The following MICU1 variants were observed in gnomAD, a reference collection of about 807,000 sequenced individuals.
MICU1 encodes the protein calcium uptake protein 1, mitochondrial.
In MICU1, 45 loss-of-function variants were observed where a neutral mutation model predicts 56.8. That is an observed-to-expected ratio of 0.79 (90% CI 0.62 to 1.02). The LOEUF (loss-of-function observed/expected upper bound fraction) is 1.02, where lower values mean the gene tolerates loss of function less well. Among genes scored for constraint, MICU1 ranks in the 50% least tolerant of loss-of-function variants. The probability of loss-of-function intolerance (pLI) is 0.00; values close to 1 mark genes in which losing one functional copy is unlikely to be tolerated. For missense variants in MICU1, 504 were observed against 587.1 expected (o/e 0.86, Z 1.46); for synonymous variants, 186 against 195.1 (o/e 0.95, Z 0.39).
intron 8 of MICU1, among the ~76,000 whole-genome samples, chr10:72,471,727 T>C (rs1054868956): frequency 1.3e-5 from 2 of 152,216 alleles, no homozygotes; most frequent in Non-Finnish European, 1.5e-5. Context: ...CATTCCCAGA[T>C]TATGTTACAA....
rs138844850 is a variant in MICU1, at chr10:72,498,527, A to G, written c.652+9628T>C. Among the ~76,000 whole-genome samples, 870 of 152,304 alleles carry G rather than the reference A, an allele frequency of 5.7e-3. 6 individuals are homozygous for G. Among genetic ancestry groups the G allele is most frequent in the Non-Finnish European group, 9.3e-3 (631 of 68,016 alleles). On this transcript the variant is annotated intron_variant, in intron 6 of 11. Transcript: ENST00000361114. ...CTTGAACCCAGGAGGCGGAGGTTGC[A>G]GTGACTTGAGATAGCGCCATTGCAC...
At chr10:72,609,489 C>G (rs563514593) in intron 1 of MICU1, among the ~76,000 whole-genome samples, 3 of 152,226 alleles carry the variant, frequency 2.0e-5, no homozygotes, top group Admixed American at 2.0e-4. Flanking sequence ...AATCTCAACA[C>G]TTTGGGAGGC....
chr10:72,495,111 A>C (rs1866793891), intron 6 of MICU1, among the ~76,000 whole-genome samples: 1 of 152,150 alleles, frequency 6.6e-6, no homozygotes. Context: ...TGGGTGACAG[A>C]TTCTAGAAGG....
At chr10:72,590,155 T>C (rs7894619) in intron 1 of MICU1, among the ~76,000 whole-genome samples, 95,612 of 151,964 alleles carry the variant, frequency 0.63, 31,615 homozygotes, top group African/African-American at 0.72. Context: ...GTACTGTCTA[T>C]AACAGACTCA....
intron 10 of MICU1, among the ~76,000 whole-genome samples, chr10:72,387,678 A>G (rs1862936146): frequency 6.6e-6 from 1 of 152,020 alleles, no homozygotes; most frequent in Non-Finnish European, 1.5e-5. Flanking sequence ...AGTATAAACA[A>G]CTTAGAACTT....
intron 1 of MICU1, among the ~76,000 whole-genome samples, chr10:72,569,233 A>ATTTTTTTTTT (rs1231227018): frequency 0.017 from 691 of 40,214 alleles, 20 homozygotes; most frequent in Non-Finnish European, 0.028. Context: ...ATATATATAT[A>ATTTTTTTTTT]TATATTTTTT....
chr10:72,449,918 A>G (rs3957143), intron 8 of MICU1, among the ~76,000 whole-genome samples: 98,471 of 151,936 alleles, frequency 0.65, 33,085 homozygotes, highest in African/African-American at 0.77. Context: ...TAGACCATAG[A>G]TGCCACAGAG....
At position 72,368,022 on chromosome 10, in the gene MICU1, A is replaced by C; in HGVS notation, c.*173T>G. On this transcript the variant is annotated 3_prime_UTR_variant, in exon 12 of 12. Coordinates refer to ENST00000361114, the MANE Select transcript of MICU1 (RefSeq NM_001195518.2). ...TACTCATTGGGCAGAATCAGAGCCCAGCAGAACACGGGGACGGGGAAGGGT... is the reference window on the plus strand; with the variant it reads ...TACTCATTGGGCAGAATCAGAGCCCCGCAGAACACGGGGACGGGGAAGGGT... 1 of 632,590 alleles carries C rather than the reference A, an allele frequency of 1.6e-6. No homozygotes were observed. Among genetic ancestry groups the C allele is most frequent in the Non-Finnish European group, 2.7e-6 (1 of 373,956 alleles). 39.2% of individuals were successfully genotyped at this position (632,590 alleles called of 1,614,324 possible).
At chr10:72,580,782 T>C (rs1191230829) in intron 1 of MICU1, among the ~76,000 whole-genome samples, 1 of 152,172 alleles carries the variant, frequency 6.6e-6, no homozygotes, top group Non-Finnish European at 1.5e-5. Context: ...CGGCCAAGCT[T>C]TTGCTTTCTA....
intron 4 of MICU1, among the ~76,000 whole-genome samples, chr10:72,547,672 A>T (rs1346045981): frequency 6.6e-6 from 1 of 152,180 alleles, no homozygotes; most frequent in East Asian, 1.9e-4. Context: ...TGTATTTTAT[A>T]TATGGGTGAA....
At position 72,368,459 on chromosome 10, in the gene MICU1, T is replaced by G; in HGVS notation, c.1271-104A>C. 2.4e-6 allele frequency: 3 copies of G among 1,246,264 alleles called. No homozygotes were observed. The South Asian group carries it at 4.1e-5, about 17-fold the overall frequency. 77.2% of individuals were successfully genotyped at this position (1,246,264 alleles called of 1,614,324 possible). A position where few individuals can be genotyped will look rare whatever the true frequency, so the allele number is the denominator to read the frequency against. Reference sequence around the variant, plus strand: ...AAAGTGGATTTCAAAGCCCAGACATTCTCCACAGCCAAACTCAATTCTCTT... The same window carrying G: ...AAAGTGGATTTCAAAGCCCAGACATGCTCCACAGCCAAACTCAATTCTCTT... On this transcript the variant is annotated intron_variant, in intron 11 of 11. Transcript: ENST00000361114.
rs149401066 is a variant in MICU1, at chr10:72,388,925, G to A, written c.1181-13053C>T. Among the ~76,000 whole-genome samples the A allele has an allele frequency of 3.0e-4, 45 of 152,330 alleles. No homozygotes were observed. The East Asian group carries it at 3.5e-3, about 12-fold the overall frequency. On this transcript the variant is annotated intron_variant, in intron 10 of 11. Coordinates refer to ENST00000361114, the MANE Select transcript of MICU1 (RefSeq NM_001195518.2). ...TTCCACCACTAAGCTGGATAACCACGATCAAGTGGCTTCATTTGATATTTT... is the reference window on the plus strand; with the variant it reads ...TTCCACCACTAAGCTGGATAACCACAATCAAGTGGCTTCATTTGATATTTT...
chr10:72,578,597 A>T (rs1183344322), intron 1 of MICU1, among the ~76,000 whole-genome samples: 2 of 150,822 alleles, frequency 1.3e-5, no homozygotes, highest in Non-Finnish European at 3.0e-5. Flanking sequence ...GCATGTACAC[A>T]TTTTTTTTGC....
chr10:72,378,247 T>A (rs1167743834), intron 10 of MICU1, among the ~76,000 whole-genome samples: 1 of 152,174 alleles, frequency 6.6e-6, no homozygotes, highest in African/African-American at 2.4e-5. Flanking sequence ...AGCGGGACTC[T>A]GTCTCACAAA....
At chr10:72,478,880 C>T (rs1273028926) in intron 6 of MICU1, among the ~76,000 whole-genome samples, 1 of 152,186 alleles carries the variant, frequency 6.6e-6, no homozygotes, top group East Asian at 1.9e-4. Flanking sequence ...AGTGATCCTC[C>T]CACCTTGGCC....
intron 6 of MICU1, chr10:72,501,617 G>A (rs1476077834): frequency 1.3e-5 from 2 of 152,024 alleles, no homozygotes; most frequent in African/African-American, 2.4e-5. Flanking sequence ...TATATGAAAT[G>A]TTAAATAGTG....
chr10:72,560,238 C>T (rs1469371468), intron 3 of MICU1: 2 of 152,254 alleles, frequency 1.3e-5, no homozygotes, highest in African/African-American at 4.8e-5. Flanking sequence ...AGTCTATGCA[C>T]CTCTCACTGA....
chr10:72,424,618 C>G, intron 8 of MICU1, among the ~76,000 whole-genome samples: 1 of 152,002 alleles, frequency 6.6e-6, no homozygotes, highest in African/African-American at 2.4e-5. Flanking sequence ...TGCCTGGCCT[C>G]ATATAGTCAC....
chr10:72,527,168 T>C lies in MICU1; in HGVS notation c.537+6578A>G, dbSNP rs548124965. Among the ~76,000 whole-genome samples the C allele has an allele frequency of 2.2e-4, 34 of 152,212 alleles. No individual in the cohort carries two copies. In the South Asian group the frequency reaches 5.4e-3, roughly 24 times the overall value. On this transcript the variant is annotated intron_variant, in intron 5 of 11. Coordinates refer to ENST00000361114, the MANE Select transcript of MICU1 (RefSeq NM_001195518.2). ...AAGCAGAAAAGATTAACTTCAACTC[T>C]TAGCAAAAAGAAACAAACATCAAGG...
Sources: gnomAD v4.1 joint callset for allele counts (sites outside exome capture counted in the v4.1 genomes callset) on GRCh38, gnomAD v4.1.1 for gene constraint, MANE v1.5 for transcripts, NCBI Gene and HGNC (gene_info 2026-07-23, HGNC 2026-07-21) for gene names.